The following TBC1D22A variants were observed in gnomAD, a reference collection of about 807,000 sequenced individuals.
The protein encoded by TBC1D22A is TBC1 domain family member 22A.
A neutral mutation model predicts 60.2 loss-of-function variants in TBC1D22A; 38 were observed. The ratio of observed to expected loss-of-function variants is 0.63; its 90% CI spans 0.49 to 0.83. The LOEUF is 0.83. Ranked by LOEUF, TBC1D22A falls within the 40% of genes least tolerant of loss-of-function variation. The pLI, the probability that TBC1D22A is intolerant of heterozygous loss-of-function variation, is 0.00. For missense variants in TBC1D22A, 628 were observed against 701.0 expected (o/e 0.90, Z 1.18); for synonymous variants, 302 against 281.7 (o/e 1.07, Z -0.72).
chr22:46,785,722 T>A (rs2084131846), intron 1 of TBC1D22A, among the ~76,000 whole-genome samples: 1 of 152,262 alleles, frequency 6.6e-6, no homozygotes, highest in Non-Finnish European at 1.5e-5. Flanking sequence ...TTGGTAATTA[T>A]CTTCTTTCAC....
At chr22:46,941,893 T>G (rs892316820) in intron 8 of TBC1D22A, among the ~76,000 whole-genome samples, 1 of 145,256 alleles carries the variant, frequency 6.9e-6, no homozygotes, top group Non-Finnish European at 1.5e-5. Context: ...GTATAGAATA[T>G]ATGTATATAG....
At chr22:46,986,551 T>C (rs2074730597) in intron 9 of TBC1D22A, among the ~76,000 whole-genome samples, 1 of 152,240 alleles carries the variant, frequency 6.6e-6, no homozygotes, top group Admixed American at 6.5e-5. Flanking sequence ...TAATTTATCC[T>C]CACAAACATT....
At chr22:46,813,404 CT>C (rs1199589677) in intron 4 of TBC1D22A, among the ~76,000 whole-genome samples, 2 of 152,280 alleles carry the variant, frequency 1.3e-5, no homozygotes, top group East Asian at 3.9e-4. Flanking sequence ...TTTAAATTTG[CT>C]TTGGCCAGTA....
At chr22:46,971,022 T>G (rs1025704228) in intron 8 of TBC1D22A, among the ~76,000 whole-genome samples, 2 of 152,154 alleles carry the variant, frequency 1.3e-5, no homozygotes, top group Non-Finnish European at 2.9e-5. Context: ...TGGGGGATGC[T>G]TTCTCTGGCG....
At position 47,009,220 on chromosome 22, in the gene TBC1D22A, A is replaced by G. The variant is rs183985380; in HGVS notation, c.1201+11511A>G. ...GCACACTTAAGTCTCATGCAGTGTT[A>G]GTACCCATTATTGTCATTATCATCA... is the stretch of plus-strand genomic sequence containing the variant. On this transcript the variant is annotated intron_variant, in intron 10 of 12. Coordinates refer to ENST00000337137, the MANE Select transcript of TBC1D22A (RefSeq NM_014346.5). This position sits in a 1 kb window ranked among gnomAD's most constrained non-coding sequence, Gnocchi z 5.8. 1.1e-3 allele frequency among the ~76,000 whole-genome samples: 161 copies of G among 152,242 alleles called. No homozygotes were observed. The highest frequency in any genetic ancestry group is 5.2e-3 in the Admixed American group (80 of 15,300).
chr22:47,072,952 C>T (rs2064064432), intron 11 of TBC1D22A, among the ~76,000 whole-genome samples: 1 of 152,234 alleles, frequency 6.6e-6, no homozygotes, highest in African/African-American at 2.4e-5. Context: ...GGATGGATAG[C>T]TCTGGGCAGC....
intron 12 of TBC1D22A, among the ~76,000 whole-genome samples, chr22:47,136,518 C>T (rs1027203673): frequency 4.1e-5 from 6 of 147,508 alleles, no homozygotes; most frequent in Non-Finnish European, 9.1e-5. Flanking sequence ...TCCAGCCTTC[C>T]TGAGGGAGGC....
intron 10 of TBC1D22A, among the ~76,000 whole-genome samples, chr22:47,034,937 C>T (rs1361670409): frequency 6.6e-6 from 1 of 152,178 alleles, no homozygotes; most frequent in East Asian, 1.9e-4. Context: ...GGCACTGATG[C>T]GTCAGGCTCC....
chr22:47,145,113 G>A (rs2067241678), intron 12 of TBC1D22A, among the ~76,000 whole-genome samples: 1 of 152,214 alleles, frequency 6.6e-6, no homozygotes, highest in South Asian at 2.1e-4. Flanking sequence ...GCAAGGGCAG[G>A]GCTGTTCACA....
chr22:46,946,995 C>T (rs185696076), intron 8 of TBC1D22A, among the ~76,000 whole-genome samples: 10 of 152,222 alleles, frequency 6.6e-5, no homozygotes, highest in African/African-American at 2.2e-4. Context: ...AATATTGAGC[C>T]GTGGCCTTCT....
chr22:47,128,758 G>A (rs961706395), intron 12 of TBC1D22A, among the ~76,000 whole-genome samples: 4 of 152,124 alleles, frequency 2.6e-5, no homozygotes, highest in South Asian at 2.1e-4. Flanking sequence ...GCTAAGCCAC[G>A]GACAGTCACG....
At position 47,105,101 on chromosome 22, in the gene TBC1D22A, G is replaced by C. The variant is rs143729586; in HGVS notation, c.1330-6407G>C. On this transcript the variant is annotated intron_variant, in intron 11 of 12. Transcript: ENST00000337137. ...GCCATGGTCACTCATATTTGGCTCA[G>C]AATAAATCTCTTTAAATATTTTACA... Among the ~76,000 whole-genome samples, 967 of 151,914 alleles carry C rather than the reference G, an allele frequency of 6.4e-3. 11 individuals are homozygous for C. The highest frequency in any genetic ancestry group is 0.023 in the African/African-American group (935 of 41,390).
At chr22:46,805,902 G>C (rs954442646) in intron 4 of TBC1D22A, among the ~76,000 whole-genome samples, 4 of 150,972 alleles carry the variant, frequency 2.6e-5, no homozygotes, top group Admixed American at 2.0e-4. Flanking sequence ...GCCCAGACTG[G>C]AGTGCAGTGG....
rs552908222 is a variant in TBC1D22A, at chr22:46,830,175, G to A, written c.637+32555G>A. 5.8e-4 allele frequency among the ~76,000 whole-genome samples: 88 copies of A among 152,362 alleles called. 1 individual carries two copies. The South Asian group carries it at 0.018, about 31-fold the overall frequency. ...CATCAGGCGTGCCGCACCCAAGGCG[G>A]GAATGCATGGGGACGCTGAGGCGAG... On this transcript the variant is annotated intron_variant, in intron 4 of 12. Coordinates refer to ENST00000337137, the MANE Select transcript of TBC1D22A (RefSeq NM_014346.5).
intron 11 of TBC1D22A, among the ~76,000 whole-genome samples, chr22:47,094,133 C>A (rs1244313621): frequency 6.6e-6 from 1 of 152,154 alleles, no homozygotes; most frequent in Non-Finnish European, 1.5e-5. Context: ...TTTTGAGAGG[C>A]TGGTATCTCA....
At chr22:46,942,026 T>TAC (rs1555960666) in intron 8 of TBC1D22A, among the ~76,000 whole-genome samples, 1 of 137,400 alleles carries the variant, frequency 7.3e-6, no homozygotes, top group Non-Finnish European at 1.6e-5. Context: ...TATATATATA[T>TAC]TATATATATA....
chr22:47,088,237 C>T (rs2064780413), intron 11 of TBC1D22A, among the ~76,000 whole-genome samples: 1 of 152,116 alleles, frequency 6.6e-6, no homozygotes, highest in Non-Finnish European at 1.5e-5. Flanking sequence ...CTGCGGAGTC[C>T]TTAAGCCGTT....
intron 8 of TBC1D22A, among the ~76,000 whole-genome samples, chr22:46,929,914 C>G (rs952670562): frequency 6.6e-6 from 1 of 152,086 alleles, no homozygotes; most frequent in Admixed American, 6.6e-5. Context: ...CTCCTCAGCC[C>G]CTATGTGTGT....
intron 11 of TBC1D22A, 77 bp downstream of exon 11, chr22:47,037,275 C>T (rs866821074): frequency 1.9e-6 from 3 of 1,572,666 alleles, no homozygotes; most frequent in Middle Eastern, 1.9e-4. Context: ...TGCCCTGGGC[C>T]TGTGTGCTGC....
Sources: gnomAD v4.1 joint callset for allele counts (sites outside exome capture counted in the v4.1 genomes callset) on GRCh38, gnomAD v4.1.1 for gene constraint, Gnocchi (gnomAD v3.1) non-coding constraint, MANE v1.5 for transcripts, NCBI Gene and HGNC (gene_info 2026-07-23, HGNC 2026-07-21) for gene names.